LDLRAD4: variants seen among roughly 807,000 people sequenced by gnomAD.
LDLRAD4 encodes low-density lipoprotein receptor class A domain-containing protein 4.
In LDLRAD4, 5 loss-of-function variants were observed where a neutral mutation model predicts 17.0. The observed-to-expected ratio is 0.29, with a 90% confidence interval of 0.15 to 0.62. The LOEUF is 0.62. Ranked by LOEUF, LDLRAD4 falls within the 20% of genes least tolerant of loss-of-function variation. The pLI is 0.84. For synonymous variants in LDLRAD4, 168 were observed against 171.8 expected (o/e 0.98, Z 0.17); for missense variants, 340 against 424.7 (o/e 0.80, Z 1.75).
chr18:13,293,324 G>A (rs1402750803), intron 1 of LDLRAD4, among the ~76,000 whole-genome samples: 5 of 152,178 alleles, frequency 3.3e-5, no homozygotes, highest in Non-Finnish European at 7.3e-5. Context: ...CCAATCTCCT[G>A]TGTGAGTGTG....
intron 3 of LDLRAD4, among the ~76,000 whole-genome samples, chr18:13,517,126 C>G (rs2093879582): frequency 6.6e-6 from 1 of 152,162 alleles, no homozygotes; most frequent in African/African-American, 2.4e-5. Context: ...GCCAGGATTA[C>G]AGATGTGAGC....
chr18:13,396,482 T>C (rs954514308), intron 2 of LDLRAD4, among the ~76,000 whole-genome samples: 8 of 152,292 alleles, frequency 5.3e-5, no homozygotes, highest in African/African-American at 1.7e-4. Context: ...TTTTAAAAAT[T>C]TGTATTGTTT....
chr18:13,464,960 C>T (rs992150059), intron 3 of LDLRAD4: 2 of 152,166 alleles, frequency 1.3e-5, no homozygotes, highest in African/African-American at 4.8e-5. Context: ...TTTCCTGTTG[C>T]TCACACAGTG....
intron 2 of LDLRAD4, among the ~76,000 whole-genome samples, chr18:13,390,595 A>T (rs1350553260): frequency 6.6e-6 from 1 of 152,068 alleles, no homozygotes; most frequent in Non-Finnish European, 1.5e-5. Context: ...AAGCACTGGG[A>T]GCTGGCACCC....
intron 3 of LDLRAD4, among the ~76,000 whole-genome samples, chr18:13,454,092 C>A (rs1184813139): frequency 6.6e-6 from 1 of 152,238 alleles, no homozygotes; most frequent in Admixed American, 6.5e-5. Flanking sequence ...GGGCATCCTG[C>A]CTCCTTTATA....
At chr18:13,311,833 C>CTTT (rs34431463) in intron 1 of LDLRAD4, among the ~76,000 whole-genome samples, 3 of 139,080 alleles carry the variant, frequency 2.2e-5, no homozygotes, top group Non-Finnish European at 3.1e-5. Flanking sequence ...AAATCTGAAA[C>CTTT]TTTTTTTTTT....
chr18:13,391,298 C>T (rs1478169326), intron 2 of LDLRAD4, among the ~76,000 whole-genome samples: 2 of 152,022 alleles, frequency 1.3e-5, no homozygotes, highest in East Asian at 1.9e-4. Flanking sequence ...GGGCAGCACT[C>T]GGGCTGTGGG....
chr18:13,285,545 T>A (rs2045572411), intron 1 of LDLRAD4, among the ~76,000 whole-genome samples: 3 of 152,242 alleles, frequency 2.0e-5, no homozygotes, highest in Admixed American at 2.0e-4. Flanking sequence ...GCGTGCTTCC[T>A]GCAGGAGGCT....
chr18:13,353,093 C>T (rs1599620966), intron 1 of LDLRAD4, among the ~76,000 whole-genome samples: 10 of 152,146 alleles, frequency 6.6e-5, no homozygotes, highest in Admixed American at 6.5e-4. Context: ...TCTAGTATAT[C>T]CAGTGCCTAT....
upstream of LDLRAD4, among the ~76,000 whole-genome samples, chr18:13,218,365 G>A (rs1181240745): frequency 6.6e-6 from 1 of 152,150 alleles, no homozygotes; most frequent in Non-Finnish European, 1.5e-5. Flanking sequence ...GAGGGACTTC[G>A]CCGACCCCCA....
At chr18:13,330,547 C>T (rs1472104013) in intron 1 of LDLRAD4, among the ~76,000 whole-genome samples, 1 of 152,110 alleles carries the variant, frequency 6.6e-6, no homozygotes, top group Non-Finnish European at 1.5e-5. Context: ...TTTTTTATTG[C>T]TACCGTAAAT....
intron 1 of LDLRAD4, among the ~76,000 whole-genome samples, chr18:13,313,844 C>T (rs2080789073): frequency 1.3e-5 from 2 of 152,054 alleles, no homozygotes; most frequent in Non-Finnish European, 2.9e-5. Flanking sequence ...CCACGCATCT[C>T]CTTGATGACA....
chr18:13,407,226 A>G (rs1252594616), intron 2 of LDLRAD4, among the ~76,000 whole-genome samples: 1 of 152,182 alleles, frequency 6.6e-6, no homozygotes, highest in Non-Finnish European at 1.5e-5. Context: ...TGCACCCCTC[A>G]TAGAGGCTGC....
intron 1 of LDLRAD4, among the ~76,000 whole-genome samples, chr18:13,252,512 C>T (rs2043276581): frequency 6.6e-6 from 1 of 152,214 alleles, no homozygotes; most frequent in Non-Finnish European, 1.5e-5. Context: ...CCATGTCTGA[C>T]CAGATGACTG....
chr18:13,394,666 G>A (rs912135879), intron 2 of LDLRAD4, among the ~76,000 whole-genome samples: 4 of 152,138 alleles, frequency 2.6e-5, no homozygotes, highest in African/African-American at 7.2e-5. Flanking sequence ...TGGGTGTTAG[G>A]GCTGATAGCA....
At chr18:13,567,450 C>A (rs962550608) in intron 3 of LDLRAD4, among the ~76,000 whole-genome samples, 11 of 152,100 alleles carry the variant, frequency 7.2e-5, no homozygotes, top group African/African-American at 2.7e-4. Context: ...ACTGTCACCA[C>A]CCCCCGCCGC....
At chr18:13,518,381 T>C (rs2093902641) in intron 3 of LDLRAD4, among the ~76,000 whole-genome samples, 2 of 152,256 alleles carry the variant, frequency 1.3e-5, no homozygotes, top group African/African-American at 4.8e-5. Flanking sequence ...CCAGAAGCTG[T>C]ATCTGTTCTT....
intron 2 of LDLRAD4, among the ~76,000 whole-genome samples, chr18:13,434,522 G>A (rs1343173862): frequency 6.6e-6 from 1 of 152,078 alleles, no homozygotes; most frequent in Non-Finnish European, 1.5e-5. Context: ...TTCTAGCTTG[G>A]CAGAAATACT....
intron 1 of LDLRAD4, among the ~76,000 whole-genome samples, chr18:13,244,162 A>G (rs1329749652): frequency 1.0e-5 from 1 of 98,166 alleles, no homozygotes; most frequent in African/African-American, 4.2e-5. Flanking sequence ...TCCTCTATCC[A>G]TCCATTCATC....
Sources: allele counts gnomAD v4.1 joint callset (sites outside exome capture counted in the v4.1 genomes callset), GRCh38; gene constraint gnomAD v4.1.1; transcripts MANE v1.5; gene names NCBI Gene and HGNC (gene_info 2026-07-23, HGNC 2026-07-21).